The following PTPRT variants were observed in gnomAD, a reference collection of about 807,000 sequenced individuals.
PTPRT encodes protein tyrosine phosphatase receptor type T.
Under a neutral mutation model 176.8 loss-of-function variants are expected in PTPRT, and 56 were observed. The observed-to-expected ratio is 0.32, with a 90% CI of 0.26 to 0.40. The LOEUF is 0.40. PTPRT is among the 10% of genes least tolerant of loss of function. The probability of loss-of-function intolerance (pLI) is 1.00; values close to 1 mark genes in which losing one functional copy is unlikely to be tolerated. For synonymous variants in PTPRT, 783 were observed against 739.0 expected, an observed-to-expected ratio of 1.06 and a Z score of -0.96; for missense variants, 1,540 against 1,908.2, an observed-to-expected ratio of 0.81 and a Z score of 3.60.
At chr20:43,011,979 T>C (rs1985152926) in intron 1 of PTPRT, among the ~76,000 whole-genome samples, 1 of 152,304 alleles carries the variant, frequency 6.6e-6, no homozygotes, top group African/African-American at 2.4e-5. Flanking sequence ...CTTTTGGTCT[T>C]ACACCAGTGA....
intron 1 of PTPRT, among the ~76,000 whole-genome samples, chr20:43,155,460 G>A (rs2014488791): frequency 6.6e-6 from 1 of 152,184 alleles, no homozygotes; most frequent in Non-Finnish European, 1.5e-5. Context: ...TCACTCATAT[G>A]TGGAATCTAA....
At chr20:42,690,693 T>C (rs2075779348) in intron 6 of PTPRT, among the ~76,000 whole-genome samples, 1 of 152,234 alleles carries the variant, frequency 6.6e-6, no homozygotes, top group Admixed American at 6.5e-5. Context: ...CATTTTCATA[T>C]TCACTTTCAC....
rs1215713012 is a variant in PTPRT, at chr20:42,810,444, A to T, written c.215-18978T>A. Among the ~76,000 whole-genome samples the T allele has an allele frequency of 3.9e-5, 6 of 152,186 alleles. No individual in the cohort carries two copies. In the South Asian group the frequency reaches 1.2e-3, roughly 32 times the overall value. Reference sequence around the variant, plus strand: ...GAAGCCTGAATTAAATATCTATTGAATCTGAATCAGCTCTCACCCCACGGC... The same window carrying T: ...GAAGCCTGAATTAAATATCTATTGATTCTGAATCAGCTCTCACCCCACGGC... On this transcript the variant is annotated intron_variant, in intron 2 of 30. Transcript: ENST00000373187.
chr20:42,804,482 C>G (rs752589352), intron 2 of PTPRT, among the ~76,000 whole-genome samples: 1 of 152,174 alleles, frequency 6.6e-6, no homozygotes, highest in Non-Finnish European at 1.5e-5. Context: ...AACCTAGACC[C>G]AGATGGAAAG....
chr20:42,615,006 T>C (rs1026658050), intron 7 of PTPRT, among the ~76,000 whole-genome samples: 2 of 145,440 alleles, frequency 1.4e-5, no homozygotes, highest in African/African-American at 5.2e-5. Flanking sequence ...TACATATGTA[T>C]ACATGTGCCA....
chr20:42,549,007 G>A (rs1166755450), intron 7 of PTPRT, among the ~76,000 whole-genome samples: 3 of 152,060 alleles, frequency 2.0e-5, no homozygotes, highest in African/African-American at 4.8e-5. Context: ...CCTGCAGCTC[G>A]GGAGCATGGA....
chr20:42,138,334 T>C (rs1255512210), intron 18 of PTPRT, among the ~76,000 whole-genome samples: 1 of 152,206 alleles, frequency 6.6e-6, no homozygotes, highest in Non-Finnish European at 1.5e-5. Context: ...CACCCCTTGG[T>C]GGGGTCACCA....
intron 6 of PTPRT, among the ~76,000 whole-genome samples, chr20:42,695,954 T>A (rs1315200479): frequency 6.6e-6 from 1 of 152,162 alleles, no homozygotes; most frequent in Non-Finnish European, 1.5e-5. Context: ...TCCCTCCTCC[T>A]GTCATTCATG....
chr20:42,216,631 A>T (rs1224700077), intron 15 of PTPRT, among the ~76,000 whole-genome samples: 1 of 152,188 alleles, frequency 6.6e-6, no homozygotes, highest in Non-Finnish European at 1.5e-5. Context: ...ACTTCCCACA[A>T]TGTTGTAAAA....
intron 9 of PTPRT, among the ~76,000 whole-genome samples, chr20:42,408,614 T>C (rs1306956020): frequency 1.3e-5 from 2 of 151,854 alleles, no homozygotes; most frequent in African/African-American, 4.8e-5. Context: ...TGTTTTTTTT[T>C]TTCCTATTAG....
At chr20:43,077,495 G>A (rs1394335115) in intron 1 of PTPRT, among the ~76,000 whole-genome samples, 1 of 152,170 alleles carries the variant, frequency 6.6e-6, no homozygotes, top group Admixed American at 6.5e-5. Context: ...ACCAGGTACT[G>A]ATCATGATAC....
intron 9 of PTPRT, among the ~76,000 whole-genome samples, chr20:42,417,810 T>A (rs2059079856): frequency 1.3e-5 from 2 of 151,784 alleles, no homozygotes; most frequent in Admixed American, 1.3e-4. Flanking sequence ...TGATCATAGC[T>A]CATTGTAACC....
chr20:42,911,458 T>C (rs142605584), intron 1 of PTPRT, among the ~76,000 whole-genome samples: 1 of 152,304 alleles, frequency 6.6e-6, no homozygotes, highest in African/African-American at 2.4e-5. Flanking sequence ...GTAATTATTC[T>C]GATTACCCTA....
At chr20:42,472,203 G>T in intron 8 of PTPRT, 63 bp downstream of exon 8, 1 of 1,532,864 alleles carries the variant, frequency 6.5e-7, no homozygotes, top group Non-Finnish European at 8.8e-7. Context: ...ATAACTGACT[G>T]CCATGGCCCT....
chr20:42,726,211 C>G (rs2076379192), intron 6 of PTPRT, among the ~76,000 whole-genome samples: 1 of 152,036 alleles, frequency 6.6e-6, no homozygotes, highest in South Asian at 2.1e-4. Flanking sequence ...TCCTGAGTAG[C>G]TGGGATCTCA....
downstream of PTPRT, among the ~76,000 whole-genome samples, chr20:42,068,920 C>T (rs952930689): frequency 2.1e-4 from 32 of 152,186 alleles, no homozygotes; most frequent in African/African-American, 7.7e-4. Flanking sequence ...ACAGATTCAT[C>T]TTCTATCTCA....
At chr20:42,647,629 AC>A (rs1394270354) in intron 7 of PTPRT, among the ~76,000 whole-genome samples, 11 of 152,196 alleles carry the variant, frequency 7.2e-5, no homozygotes, top group Non-Finnish European at 1.2e-4. Context: ...CAGCCCTATG[AC>A]CTCACCTCCA....
intron 1 of PTPRT, among the ~76,000 whole-genome samples, chr20:42,994,933 G>A (rs1023849665): frequency 6.6e-6 from 1 of 152,318 alleles, no homozygotes; most frequent in Non-Finnish European, 1.5e-5. Context: ...CTCAGATTAT[G>A]TGATGGGGGA....
chr20:42,891,422 T>G (rs867119303), intron 1 of PTPRT, among the ~76,000 whole-genome samples: 1 of 152,236 alleles, frequency 6.6e-6, no homozygotes, highest in African/African-American at 2.4e-5. Context: ...TGCTCTGATG[T>G]GAATCAGACA....
Sources: allele counts gnomAD v4.1 joint callset (sites outside exome capture counted in the v4.1 genomes callset), GRCh38; gene constraint gnomAD v4.1.1; transcripts MANE v1.5; gene names NCBI Gene and HGNC (gene_info 2026-07-23, HGNC 2026-07-21).